The following PDE1C variants were observed in gnomAD, a reference collection of about 807,000 sequenced individuals.
The protein encoded by PDE1C is phosphodiesterase 1C, also known as dual specificity calcium/calmodulin-dependent 3',5'-cyclic nucleotide phosphodiesterase 1C.
In PDE1C, 62 loss-of-function variants were observed where a neutral mutation model predicts 93.1. The ratio of observed to expected loss-of-function variants is 0.67; its 90% CI spans 0.54 to 0.82. The LOEUF is 0.82. Among genes scored for constraint, PDE1C ranks in the 40% least tolerant of loss-of-function variants. PDE1C has a pLI of 0.00. For missense variants in PDE1C, 742 were observed against 884.6 expected (o/e 0.84, Z 2.04); for synonymous variants, 325 against 310.1 (o/e 1.05, Z -0.50).
chr7:31,789,592 A>T, intron 16 of PDE1C: 1 of 856,350 alleles, frequency 1.2e-6, no homozygotes, highest in Non-Finnish European at 1.4e-6. Flanking sequence ...TCAAATAAAG[A>T]TTCCTATAGA....
At chr7:32,096,953 G>A (rs1281142380) in intron 3 of PDE1C, among the ~76,000 whole-genome samples, 1 of 152,164 alleles carries the variant, frequency 6.6e-6, no homozygotes, top group Non-Finnish European at 1.5e-5. Flanking sequence ...AATCTGCAAT[G>A]GGCAAACAGG....
chr7:31,743,062 T>C, the PDE1C span, among the ~76,000 whole-genome samples: 1 of 151,556 alleles, frequency 6.6e-6, no homozygotes, highest in African/African-American at 2.4e-5. Context: ...CCTCCCTATC[T>C]CTATAGTTTT....
At chr7:31,643,003 C>T in the PDE1C span, 1 of 1,614,036 alleles carries the variant, frequency 6.2e-7, no homozygotes, top group African/African-American at 1.3e-5. Context: ...GCAGCTTCTG[C>T]CAATGCCCCA....
chr7:31,822,465 T>C (rs890744741), intron 14 of PDE1C, among the ~76,000 whole-genome samples: 1 of 152,158 alleles, frequency 6.6e-6, no homozygotes, highest in African/African-American at 2.4e-5. Flanking sequence ...TTCCAAATCA[T>C]ACAAATTTCC....
At chr7:32,211,144 A>G (rs902089111) in intron 1 of PDE1C, among the ~76,000 whole-genome samples, 2 of 152,012 alleles carry the variant, frequency 1.3e-5, no homozygotes, top group African/African-American at 4.8e-5. Flanking sequence ...GGGAGGTGGA[A>G]GTTGCAGTGA....
At chr7:32,087,204 A>G (rs1797146821) in intron 3 of PDE1C, among the ~76,000 whole-genome samples, 1 of 148,760 alleles carries the variant, frequency 6.7e-6, no homozygotes. Flanking sequence ...ATGAATAGAG[A>G]CTTCTCAAAA....
chr7:31,751,244 CA>C lies in PDE1C; in HGVS notation c.*2139del, dbSNP rs1266373831. 6.6e-6 allele frequency: 1 copy of C among 152,116 alleles called. No homozygotes were observed. Among genetic ancestry groups the C allele is most frequent in the South Asian group, 2.1e-4 (1 of 4,806 alleles). 9.4% of individuals were successfully genotyped at this position (152,116 alleles called of 1,614,324 possible). On this transcript the variant is annotated 3_prime_UTR_variant, in exon 18 of 18. Coordinates refer to ENST00000396191, the MANE Select transcript of PDE1C (RefSeq NM_001191057.4). ...CTGCATTTCTATACAATCCATTATG[CA>C]AAAAACATGGTAGGCATTTTATAAG...
intron 1 of PDE1C, among the ~76,000 whole-genome samples, chr7:32,343,138 G>A (rs1305838951): frequency 6.6e-6 from 1 of 152,144 alleles, no homozygotes; most frequent in African/African-American, 2.4e-5. Context: ...GTGAACAGCA[G>A]GAAAGGCAGA....
intron 1 of PDE1C, among the ~76,000 whole-genome samples, chr7:32,328,640 C>G (rs940501792): frequency 1.1e-4 from 17 of 152,152 alleles, no homozygotes; most frequent in Middle Eastern, 3.2e-3. Context: ...TCCTCCACCC[C>G]CCATCCCCAC....
chr7:31,947,535 C>A (rs777611615), intron 2 of PDE1C, among the ~76,000 whole-genome samples: 1 of 152,324 alleles, frequency 6.6e-6, no homozygotes, highest in Admixed American at 6.5e-5. Context: ...TGGCTATGCC[C>A]TTCCAAAGTC....
chr7:31,628,369 C>G, the PDE1C span, among the ~76,000 whole-genome samples: 130,725 of 152,086 alleles, frequency 0.86, 56,374 homozygotes, highest in East Asian at 0.99. Flanking sequence ...CCTGAGAATG[C>G]CTTCTGACTC....
chr7:32,036,878 C>T lies in PDE1C; in HGVS notation c.128+14676G>A, dbSNP rs373580544. On this transcript the variant is annotated intron_variant, in intron 2 of 17. Transcript: ENST00000396191. Reference sequence around the variant, plus strand: ...GAAATGTAAATCCACAGCTCTCACTCGGACCTACCAAATCAGAACTTTAGA... The same window carrying T: ...GAAATGTAAATCCACAGCTCTCACTTGGACCTACCAAATCAGAACTTTAGA... Among the ~76,000 whole-genome samples the T allele has an allele frequency of 3.3e-5, 5 of 152,286 alleles. No individual in the cohort carries two copies. The East Asian group carries it at 5.8e-4, about 18-fold the overall frequency.
At chr7:31,762,878 A>C (rs1463456361) in intron 17 of PDE1C, among the ~76,000 whole-genome samples, 2 of 152,162 alleles carry the variant, frequency 1.3e-5, no homozygotes, top group Non-Finnish European at 2.9e-5. Flanking sequence ...CCCTAGAGGG[A>C]TATGCATCCA....
At chr7:31,860,364 T>C (rs1794544274) in intron 7 of PDE1C, among the ~76,000 whole-genome samples, 1 of 152,172 alleles carries the variant, frequency 6.6e-6, no homozygotes, top group Non-Finnish European at 1.5e-5. Context: ...CAAACGTCAA[T>C]AGTGCTGAGG....
chr7:32,159,041 G>A (rs192761543), intron 3 of PDE1C, among the ~76,000 whole-genome samples: 3 of 152,232 alleles, frequency 2.0e-5, no homozygotes, highest in African/African-American at 7.2e-5. Context: ...ATAATCCAGG[G>A]TGATCTGTTT....
intron 2 of PDE1C, among the ~76,000 whole-genome samples, chr7:31,931,638 A>C (rs1804287616): frequency 6.6e-6 from 1 of 152,210 alleles, no homozygotes; most frequent in East Asian, 1.9e-4. Flanking sequence ...AGGAAGAATC[A>C]ATATCGTGAA....
At chr7:31,794,601 A>T (rs1355176136) in intron 16 of PDE1C, among the ~76,000 whole-genome samples, 1 of 152,032 alleles carries the variant, frequency 6.6e-6, no homozygotes, top group East Asian at 1.9e-4. Flanking sequence ...AAAGACAATG[A>T]TTAAAACACT....
At chr7:31,638,343 C>G in the PDE1C span, among the ~76,000 whole-genome samples, 1 of 152,156 alleles carries the variant, frequency 6.6e-6, no homozygotes. Context: ...TCTGACAACA[C>G]TAAACAGCTG....
At chr7:31,662,350 G>T in the PDE1C span, among the ~76,000 whole-genome samples, 1 of 152,214 alleles carries the variant, frequency 6.6e-6, no homozygotes, top group East Asian at 1.9e-4. Context: ...CGGATTCTCA[G>T]ATCTGGAAGA....
Sources: allele counts gnomAD v4.1 joint callset (sites outside exome capture counted in the v4.1 genomes callset), GRCh38; gene constraint gnomAD v4.1.1; transcripts MANE v1.5; gene names NCBI Gene and HGNC (gene_info 2026-07-23, HGNC 2026-07-21).